Variants in LRRTM3 observed in about 807,000 individuals in gnomAD.
The protein encoded by LRRTM3 is leucine rich repeat transmembrane neuronal 3, also known as leucine-rich repeat transmembrane neuronal protein 3.
LRRTM3 carries 24 observed loss-of-function variants against 44.7 expected under a neutral mutation model. The observed-to-expected ratio is 0.54, with a 90% CI of 0.39 to 0.76. The LOEUF is 0.76. Among genes scored for constraint, LRRTM3 ranks in the 30% least tolerant of loss-of-function variants. The pLI, the probability that LRRTM3 is intolerant of heterozygous loss-of-function variation, is 0.00. For synonymous variants in LRRTM3, 277 were observed against 278.7 expected, an observed-to-expected ratio of 0.99 and a Z score of 0.06; for missense variants, 587 against 702.2, an observed-to-expected ratio of 0.84 and a Z score of 1.85.
intron 2 of LRRTM3, among the ~76,000 whole-genome samples, chr10:67,049,864 A>C (rs1262771342): frequency 1.3e-5 from 2 of 152,184 alleles, no homozygotes; most frequent in African/African-American, 2.4e-5. Flanking sequence ...ATACACACAC[A>C]TTTTGTATTA....
chr10:67,056,764 A>G (rs142941416), intron 2 of LRRTM3, among the ~76,000 whole-genome samples: 2 of 152,334 alleles, frequency 1.3e-5, no homozygotes, highest in East Asian at 3.9e-4. Context: ...ACTTTATATG[A>G]CAACTATGAT....
chr10:67,091,469 A>C (rs1367521054), intron 2 of LRRTM3, among the ~76,000 whole-genome samples: 1 of 152,010 alleles, frequency 6.6e-6, no homozygotes, highest in Admixed American at 6.6e-5. Context: ...ACAAAGAATA[A>C]TGCTTCAGAC....
At chr10:67,002,385 C>T (rs1174665334) in intron 2 of LRRTM3, among the ~76,000 whole-genome samples, 2 of 152,056 alleles carry the variant, frequency 1.3e-5, no homozygotes, top group Non-Finnish European at 2.9e-5. Flanking sequence ...TATTGAAAGG[C>T]TTTCTGTAAA....
chr10:67,087,705 A>G (rs1363049829), intron 2 of LRRTM3, among the ~76,000 whole-genome samples: 1 of 151,982 alleles, frequency 6.6e-6, no homozygotes, highest in Non-Finnish European at 1.5e-5. Flanking sequence ...CTAATGTCAT[A>G]ATGGCCTGGA....
intron 2 of LRRTM3, among the ~76,000 whole-genome samples, chr10:67,060,680 C>G (rs1233121417): frequency 3.9e-5 from 6 of 152,072 alleles, no homozygotes; most frequent in African/African-American, 1.2e-4. Flanking sequence ...CTCTCTCTCT[C>G]TCTTCTTCTA....
chr10:67,008,915 A>C (rs1223220876), intron 2 of LRRTM3, among the ~76,000 whole-genome samples: 1 of 152,150 alleles, frequency 6.6e-6, no homozygotes, highest in African/African-American at 2.4e-5. Context: ...TATGGGCTTG[A>C]AAATGTTTGT....
intron 2 of LRRTM3, among the ~76,000 whole-genome samples, chr10:66,982,395 A>G (rs1850492847): frequency 6.6e-6 from 1 of 152,188 alleles, no homozygotes; most frequent in Non-Finnish European, 1.5e-5. Flanking sequence ...AACTTCTCTA[A>G]ATCTCAGTTT....
chr10:67,044,564 A>G (rs767311027), intron 2 of LRRTM3, among the ~76,000 whole-genome samples: 3 of 152,198 alleles, frequency 2.0e-5, no homozygotes, highest in Non-Finnish European at 4.4e-5. Context: ...GCTCATTATA[A>G]GAAGTGATAG....
intron 2 of LRRTM3, among the ~76,000 whole-genome samples, chr10:66,950,714 C>A (rs1848494847): frequency 6.6e-6 from 1 of 152,082 alleles, no homozygotes; most frequent in Non-Finnish European, 1.5e-5. Flanking sequence ...TATAAGCAAC[C>A]TTTGTAGCTA....
intron 2 of LRRTM3, among the ~76,000 whole-genome samples, chr10:67,016,999 T>A (rs7897274): frequency 6.6e-6 from 1 of 152,044 alleles, no homozygotes; most frequent in South Asian, 2.1e-4. Flanking sequence ...CTTCTATATA[T>A]GAGAAGAACC....
intron 2 of LRRTM3, among the ~76,000 whole-genome samples, chr10:66,972,224 A>C (rs968944668): frequency 5.9e-5 from 9 of 152,190 alleles, no homozygotes; most frequent in Admixed American, 5.2e-4. Flanking sequence ...CTCACAGGCT[A>C]AAGTTTTCTC....
intron 2 of LRRTM3, among the ~76,000 whole-genome samples, chr10:67,085,173 C>T (rs1228073044): frequency 6.6e-6 from 1 of 151,758 alleles, no homozygotes; most frequent in Non-Finnish European, 1.5e-5. Flanking sequence ...AGAATAACAC[C>T]TCACATTTTT....
chr10:66,948,113 C>G (rs1360442225), intron 2 of LRRTM3, among the ~76,000 whole-genome samples: 1 of 152,112 alleles, frequency 6.6e-6, no homozygotes, highest in African/African-American at 2.4e-5. Context: ...GTGGGATCAC[C>G]ATCATATATG....
intron 2 of LRRTM3, among the ~76,000 whole-genome samples, chr10:66,996,878 C>T (rs529209355): frequency 6.6e-6 from 1 of 152,114 alleles, no homozygotes; most frequent in East Asian, 1.9e-4. Context: ...TGTAAATGTT[C>T]AGCAATTATC....
chr10:67,006,980 C>T (rs191572608), intron 2 of LRRTM3, among the ~76,000 whole-genome samples: 243 of 151,996 alleles, frequency 1.6e-3, no homozygotes, highest in African/African-American at 5.4e-3. Context: ...GTTTTTAGTA[C>T]AGATGGGGTT....
chr10:67,010,943 T>A (rs925779613), intron 2 of LRRTM3, among the ~76,000 whole-genome samples: 3 of 152,188 alleles, frequency 2.0e-5, no homozygotes, highest in Non-Finnish European at 4.4e-5. Flanking sequence ...ACATTTACCA[T>A]GAATCTTAGA....
At chr10:67,005,083 C>T (rs1300847952) in intron 2 of LRRTM3, among the ~76,000 whole-genome samples, 1 of 152,170 alleles carries the variant, frequency 6.6e-6, no homozygotes, top group Non-Finnish European at 1.5e-5. Flanking sequence ...CTACAAGCTC[C>T]TTTTCCTATG....
chr10:67,049,166 T>C lies in LRRTM3; in HGVS notation c.1537-48421T>C, dbSNP rs529018704. On this transcript the variant is annotated intron_variant, in intron 2 of 2. Transcript: ENST00000361320. Reference sequence around the variant, plus strand: ...TGTTAGTATACTAAGTGAGACAGCATCATTTAGAGGAAAAGAGGACAAGAA... The same window carrying C: ...TGTTAGTATACTAAGTGAGACAGCACCATTTAGAGGAAAAGAGGACAAGAA... Among the ~76,000 whole-genome samples the C allele has an allele frequency of 2.0e-5, 3 of 152,094 alleles. No homozygotes were observed. The East Asian group carries it at 5.8e-4, about 29-fold the overall frequency.
rs1329594534 is a variant in LRRTM3, at chr10:66,928,388, G to C, written c.1472G>C (p.Ser491Thr). 1 of 1,614,152 alleles carries C rather than the reference G, an allele frequency of 6.2e-7. No homozygotes were observed. The highest frequency in any genetic ancestry group is 8.5e-7 in the Non-Finnish European group (1 of 1,180,026). ...TATAAACCCACCAACACGGAGACCA[G>C]CGAGATGCTGCTGAATGGGACGGGA... ...VDYKPTNTET[S>T]EMLLNGTGPC... The change falls in exon 2 of 3, where the codon AGC becomes ACC. Residue 491 changes from serine (S) to threonine (T), a missense_variant. Around this residue, in one of 3 missense-constraint regions of LRRTM3, gnomAD observed 315 missense variants for 335.6 expected, o/e 0.94. Transcript: ENST00000361320.
Sources: allele counts gnomAD v4.1 joint callset (sites outside exome capture counted in the v4.1 genomes callset), GRCh38; gene constraint gnomAD v4.1.1; regional missense constraint gnomAD v4.1.1; transcripts MANE v1.5; gene names NCBI Gene and HGNC (gene_info 2026-07-23, HGNC 2026-07-21).